The following TTC21A variants were observed in gnomAD, a reference collection of about 807,000 sequenced individuals.
TTC21A encodes the protein tetratricopeptide repeat protein 21A.
Under a neutral mutation model 156.4 loss-of-function variants are expected in TTC21A, and 128 were observed. The observed-to-expected ratio is 0.82, with a 90% CI of 0.71 to 0.95. The LOEUF (loss-of-function observed/expected upper bound fraction) is 0.95. Ranked by LOEUF, TTC21A falls within the 40% of genes least tolerant of loss-of-function variation. The probability of loss-of-function intolerance (pLI) is 0.00; values close to 1 mark genes in which losing one functional copy is unlikely to be tolerated. For synonymous variants in TTC21A, 587 were observed against 617.1 expected, an observed-to-expected ratio of 0.95 and a Z score of 0.72; for missense variants, 1,435 against 1,602.3, an observed-to-expected ratio of 0.90 and a Z score of 1.78.
chr3:39,129,401 TC>T, intron 15 of TTC21A, 91 bp downstream of exon 15: 1 of 960,766 alleles, frequency 1.0e-6, no homozygotes, highest in Non-Finnish European at 1.7e-6. Flanking sequence ...AACCTGGGTC[TC>T]CAGAATGTGT....
At chr3:39,107,985 G>C in intron 1 of TTC21A, 121 bp downstream of exon 1, 1 of 1,248,588 alleles carries the variant, frequency 8.0e-7, no homozygotes, top group Non-Finnish European at 1.1e-6. Context: ...AGGCGGTCCT[G>C]CCTTTTCTTG....
rs1256070041 is a variant in TTC21A at position 39,135,166 on chromosome 3, A to G, written c.2936A>G (p.Lys979Arg). 4.3e-6 allele frequency: 7 copies of G among 1,614,140 alleles called. 1 individual carries two copies. The highest frequency in any genetic ancestry group is 5.9e-6 in the Non-Finnish European group (7 of 1,180,012). ...AINLYHQVLE[K>R]APDNFLVLHK... ...AATCTTTACCACCAAGTCTTGGAGA[A>G]AGCGCCAGGTAATTCTGCCCATGGA... The change falls in exon 22 of 29, where the codon AAA becomes AGA. Residue 979 changes from lysine (K) to arginine (R), a missense_variant. Physicochemically the swap from Lys to Arg is conservative, Grantham distance 26. Transcript: ENST00000683103.
intron 12 of TTC21A, 74 bp downstream of exon 12, chr3:39,126,464 G>C: frequency 7.6e-7 from 1 of 1,307,786 alleles, no homozygotes; most frequent in South Asian, 1.2e-5. Flanking sequence ...CAGGCTCCTT[G>C]CCTAGGATAC....
chr3:39,114,899 A>G (rs1454893833), intron 6 of TTC21A, among the ~76,000 whole-genome samples, 157 bp downstream of exon 6: 1 of 152,148 alleles, frequency 6.6e-6, no homozygotes, highest in Non-Finnish European at 1.5e-5. Flanking sequence ...GAGAGCAGGG[A>G]TGGGTGCAAG....
chr3:39,123,313 T>TA (rs529387734), intron 9 of TTC21A, among the ~76,000 whole-genome samples: 12 of 152,134 alleles, frequency 7.9e-5, no homozygotes, highest in Non-Finnish European at 1.8e-4. Flanking sequence ...AGCAAAGAAA[T>TA]ACCTGTGCAA....
chr3:39,128,540 CCT>C, intron 13 of TTC21A, 52 bp downstream of exon 13: 2 of 1,610,100 alleles, frequency 1.2e-6, no homozygotes, highest in Non-Finnish European at 1.7e-6. Context: ...AGCTGTGGCC[CCT>C]GTTTGCCTTC....
At chr3:39,137,439 C>A (rs774234556) in intron 25 of TTC21A, 47 bp from the exon 26 acceptor site, 7 of 1,611,508 alleles carry the variant, frequency 4.3e-6, no homozygotes, top group Non-Finnish European at 5.9e-6. Context: ...GCCGAGAAGA[C>A]CAGGCGGCCA....
At chr3:39,125,639 ATGGGG>A in intron 11 of TTC21A, 107 bp downstream of exon 11, 1 of 847,560 alleles carries the variant, frequency 1.2e-6, no homozygotes, top group Admixed American at 1.8e-5. Context: ...ACAAGTAAGG[ATGGGG>A]TGAGCCTTGG....
rs200248930 is a variant in TTC21A at position 39,129,291 on chromosome 3, C to A, written c.2116C>A (p.Leu706Ile). Reference sequence around the variant, plus strand: ...CCTGCAGACCCTCAGAGACAGGCGCCTCTACATCAGATGCTACCGGTAAGC... The same window carrying A: ...CCTGCAGACCCTCAGAGACAGGCGCATCTACATCAGATGCTACCGGTAAGC... ...IYLQTLRDRR[L>I]YIRCYRELCE... Residue 706 changes from leucine to isoleucine, a missense_variant, in exon 15 of 29, where the codon CTC becomes ATC. By Grantham distance (5) the Leu-to-Ile change is conservative. Coordinates refer to ENST00000683103, the MANE Select transcript of TTC21A (RefSeq NM_001366900.1). 44 of 1,614,064 alleles carry A rather than the reference C, an allele frequency of 2.7e-5. No homozygotes were observed. In the African/African-American group the frequency reaches 4.9e-4, roughly 18 times the overall value.
rs775822918 is a variant in TTC21A, at chr3:39,137,453, C to T, written c.3451-33C>T. 2.1e-5 allele frequency: 34 copies of T among 1,612,050 alleles called. 2 individuals carry two copies. Among genetic ancestry groups the T allele is most frequent in the South Asian group, 1.6e-4 (15 of 91,064 alleles). ...GGCCGAGAAGACCAGGCGGCCAACACGTGCTGACGTCCACTTCCTACCTGG... is the reference window on the plus strand; with the variant it reads ...GGCCGAGAAGACCAGGCGGCCAACATGTGCTGACGTCCACTTCCTACCTGG... On this transcript the variant is annotated intron_variant, in intron 25 of 28. Transcript: ENST00000683103.
In TTC21A at chr3:39,110,026, C is replaced by A. The variant is rs747653895; in HGVS notation, c.158-3C>A. On this transcript the variant is annotated splice_polypyrimidine_tract_variant and splice_region_variant and intron_variant, in intron 2 of 28. Coordinates refer to ENST00000683103, the MANE Select transcript of TTC21A (RefSeq NM_001366900.1). ...AGTATAACTATGTGGACTGTCTTTG[C>A]AGAGCACATCCAGGATGCCATCAGT... 5.6e-6 allele frequency: 9 copies of A among 1,610,668 alleles called. No homozygotes were observed. In the South Asian group the frequency reaches 9.9e-5, roughly 18 times the overall value.
At position 39,112,489 on chromosome 3, in the gene TTC21A, C is replaced by T; in HGVS notation, c.467C>T (p.Thr156Ile). 6.2e-7 allele frequency: 1 copy of T among 1,614,158 alleles called. No individual in the cohort carries two copies. Among genetic ancestry groups the T allele is most frequent in the Non-Finnish European group, 8.5e-7 (1 of 1,180,042 alleles). Residue 156 changes from threonine (T) to isoleucine (I), a missense_variant, in exon 5 of 29, where the codon ACC becomes ATC. Thr to Ile is a moderately conservative substitution (Grantham distance 89). Transcript: ENST00000683103. ...GTGCTCAGAGGCTGGGTGGACCTGA[C>T]CTCAGACAAGCCCCACACTGCGAAG... ...AYVLRGWVDL[T>I]SDKPHTAKKA... is the part of the protein sequence containing the mutation.
intron 9 of TTC21A, among the ~76,000 whole-genome samples, chr3:39,124,658 CAAA>C (rs60845030): frequency 1.4e-5 from 1 of 71,068 alleles, no homozygotes. Context: ...AACTCCGTCT[CAAA>C]AAAAAAAAAA....
chr3:39,111,311 C>T (rs926616531), intron 4 of TTC21A, among the ~76,000 whole-genome samples: 1 of 152,216 alleles, frequency 6.6e-6, no homozygotes. Context: ...CTCCTAGGCA[C>T]AAGCAATCCT....
At chr3:39,125,218 AC>A in intron 10 of TTC21A, 58 bp downstream of exon 10, 3 of 1,537,160 alleles carry the variant, frequency 2.0e-6, no homozygotes, top group Non-Finnish European at 1.8e-6. Flanking sequence ...CTGTCCTCCC[AC>A]CCCCACTTTC....
In TTC21A at chr3:39,138,720, G is replaced by A. The variant is rs1559725080; in HGVS notation, c.3874G>A (p.Glu1292Lys). The change falls in exon 29 of 29, where the codon GAG becomes AAG. Residue 1292 changes from glutamate (E) to lysine (K), a missense_variant. Transcript: ENST00000683103. ...AIEICNDVLREHPDYPKIREE... is the reference protein window; with the variant it reads ...AIEICNDVLRKHPDYPKIREE... ...TCTCTCTCTGTTCCAGGTCCTCAGGGAGCACCCCGACTACCCCAAGATCAG... is the reference window on the plus strand; with the variant it reads ...TCTCTCTCTGTTCCAGGTCCTCAGGAAGCACCCCGACTACCCCAAGATCAG... 1 of 1,614,090 alleles carries A rather than the reference G, an allele frequency of 6.2e-7. No individual in the cohort carries two copies. The highest frequency in any genetic ancestry group is 2.2e-5 in the East Asian group (1 of 44,888).
At position 39,136,969 on chromosome 3, in the gene TTC21A, A is replaced by G. The variant is rs772453630; in HGVS notation, c.3166A>G (p.Ser1056Gly). 3 of 1,614,206 alleles carry G rather than the reference A, an allele frequency of 1.9e-6. No homozygotes were observed. In the East Asian group the frequency reaches 6.7e-5, roughly 36 times the overall value. Reference protein sequence around the residue: ...KARKDSTWGQSAIYHMVQICL... With the variant: ...KARKDSTWGQGAIYHMVQICL... ...ACGCAAGGACAGCACTTGGGGCCAG[A>G]GCGCCATCTACCACATGGTGCAGAT... is the stretch of plus-strand genomic sequence containing the variant. The change falls in exon 24 of 29, where the codon AGC (serine) becomes GGC (glycine). Residue 1056 changes from serine (S) to glycine (G), a missense_variant. Ser to Gly is a moderately conservative substitution (Grantham distance 56). Coordinates refer to ENST00000683103, the MANE Select transcript of TTC21A (RefSeq NM_001366900.1).
chr3:39,129,754 CAG>C, intron 15 of TTC21A, among the ~76,000 whole-genome samples: 1 of 152,170 alleles, frequency 6.6e-6, no homozygotes, highest in Non-Finnish European at 1.5e-5. Flanking sequence ...AGTGGGAAAC[CAG>C]TGAACAGTAT....
intron 19 of TTC21A, among the ~76,000 whole-genome samples, chr3:39,132,283 A>T (rs1404902160): frequency 5.9e-5 from 9 of 152,230 alleles, no homozygotes; most frequent in African/African-American, 1.9e-4. Context: ...TGACTGTACC[A>T]GCAAGTGGTG....
Sources: allele counts gnomAD v4.1 joint callset (sites outside exome capture counted in the v4.1 genomes callset), GRCh38; gene constraint gnomAD v4.1.1; transcripts MANE v1.5; gene names NCBI Gene and HGNC (gene_info 2026-07-23, HGNC 2026-07-21).